BCAS3: variants seen among roughly 807,000 people sequenced by gnomAD.
BCAS3 encodes BCAS3 microtubule associated cell migration factor.
In BCAS3, 53 loss-of-function variants were observed where a neutral mutation model predicts 116.1. That is an observed-to-expected ratio of 0.46 (90% CI 0.37 to 0.57). The LOEUF is 0.57. BCAS3 is among the 20% of genes least tolerant of loss of function. BCAS3 has a pLI of 0.00. For missense variants in BCAS3, 917 were observed against 1,165.4 expected (o/e 0.79, Z 3.10); for synonymous variants, 391 against 408.2 (o/e 0.96, Z 0.51).
intron 22 of BCAS3, among the ~76,000 whole-genome samples, chr17:61,231,102 C>A (rs961274322): frequency 6.6e-6 from 1 of 151,774 alleles, no homozygotes; most frequent in East Asian, 1.9e-4. Flanking sequence ...CTGTACCTGA[C>A]CTGACTTTTT....
chr17:61,208,743 T>C lies in BCAS3; in HGVS notation c.2425+124179T>C, dbSNP rs1042846145. On this transcript the variant is annotated intron_variant, in intron 22 of 23. Transcript: ENST00000407086. The surrounding 1 kb of genome is among the most constrained non-coding windows in gnomAD (Gnocchi z 4.5). ...GGAAAAGGTCTGCTTAGCTGTCTTTTCCTGTTTAAAATACAGCTGCCCCTG... is the reference window on the plus strand; with the variant it reads ...GGAAAAGGTCTGCTTAGCTGTCTTTCCCTGTTTAAAATACAGCTGCCCCTG... 7.2e-5 allele frequency among the ~76,000 whole-genome samples: 11 copies of C among 152,272 alleles called. No homozygotes were observed. Among genetic ancestry groups the C allele is most frequent in the African/African-American group, 2.4e-4 (10 of 41,556 alleles).
intron 6 of BCAS3, among the ~76,000 whole-genome samples, chr17:60,777,055 CAT>C (rs1409416746): frequency 3.3e-5 from 5 of 150,450 alleles, no homozygotes; most frequent in South Asian, 2.1e-4. Context: ...AGTATATACA[CAT>C]ATATGTGTGT....
At chr17:60,802,816 A>T (rs899612228) in intron 6 of BCAS3, among the ~76,000 whole-genome samples, 6 of 152,098 alleles carry the variant, frequency 3.9e-5, no homozygotes, top group African/African-American at 1.2e-4. Flanking sequence ...TTTAGTAGAG[A>T]TGGGGTTTCA....
chr17:60,814,414 T>C (rs375690410), intron 7 of BCAS3, among the ~76,000 whole-genome samples: 11 of 152,218 alleles, frequency 7.2e-5, no homozygotes, highest in African/African-American at 2.2e-4. Flanking sequence ...TTTTTTTTTA[T>C]CCTGAAACTT....
At position 61,365,866 on chromosome 17, in the gene BCAS3, G is replaced by A. The variant is rs754204269; in HGVS notation, c.2426-2461G>A. Among the ~76,000 whole-genome samples, 7 of 152,070 alleles carry A rather than the reference G, an allele frequency of 4.6e-5. No homozygotes were observed. The highest frequency in any genetic ancestry group is 8.8e-5 in the Non-Finnish European group (6 of 68,008). On this transcript the variant is annotated intron_variant, in intron 22 of 23. Transcript: ENST00000407086. The surrounding 1 kb of genome is among the most constrained non-coding windows in gnomAD (Gnocchi z 4.6). The stretch of plus-strand genomic sequence containing the variant: ...AAGAAAGCTGAGTGTATAGCAGCCA[G>A]GTGCGGTGGCTCACACCTGGAATCC...
At chr17:60,691,790 T>C (rs113097347) in intron 4 of BCAS3, among the ~76,000 whole-genome samples, 1,704 of 152,124 alleles carry the variant, frequency 0.011, 41 homozygotes, top group African/African-American at 0.038. Context: ...TGGTTTCATT[T>C]GAATTTTGGA....
rs1420657888 is a variant in BCAS3 at position 61,215,205 on chromosome 17, A to C, written c.2425+130641A>C. Among the ~76,000 whole-genome samples, 1 of 152,246 alleles carries C rather than the reference A, an allele frequency of 6.6e-6. No homozygotes were observed. Among genetic ancestry groups the C allele is most frequent in the Admixed American group, 6.5e-5 (1 of 15,286 alleles). ...TATGTCTTATGCTTTAACTCTTTTT[A>C]GAGAGGAGAACAAATCTCTTTTGAA... On this transcript the variant is annotated intron_variant, in intron 22 of 23. Transcript: ENST00000407086. The surrounding 1 kb of genome is among the most constrained non-coding windows in gnomAD (Gnocchi z 4.8).
At chr17:61,176,671 C>T (rs573485598) in intron 22 of BCAS3, among the ~76,000 whole-genome samples, 2 of 152,158 alleles carry the variant, frequency 1.3e-5, no homozygotes, top group African/African-American at 2.4e-5. Context: ...GATCCTCCCA[C>T]CTCAGCCTCC....
intron 19 of BCAS3, among the ~76,000 whole-genome samples, chr17:61,053,495 C>A (rs188678841): frequency 2.2e-4 from 33 of 152,240 alleles, no homozygotes; most frequent in African/African-American, 7.7e-4. Context: ...TGTTTTCTAC[C>A]GTGGATATTG....
chr17:61,254,031 A>G (rs771130741), intron 22 of BCAS3, among the ~76,000 whole-genome samples: 2 of 152,162 alleles, frequency 1.3e-5, no homozygotes, highest in Non-Finnish European at 2.9e-5. Flanking sequence ...TTTCTTCTAC[A>G]TCAGGCCCAC....
rs147350995 is a variant in BCAS3 at position 60,961,058 on chromosome 17, A to G, written c.1221+13706A>G. ...CAGAGCACATTTTCCCAACCATGAA[A>G]CTCCTCATAGTAACATCTTTTTCTC... On this transcript the variant is annotated intron_variant, in intron 14 of 23. Coordinates refer to ENST00000407086, the MANE Select transcript of BCAS3 (RefSeq NM_017679.5). This position sits in a 1 kb window ranked among gnomAD's most constrained non-coding sequence, Gnocchi z 4.8. Among the ~76,000 whole-genome samples, 263 of 151,928 alleles carry G rather than the reference A, an allele frequency of 1.7e-3. 2 individuals are homozygous for G. The highest frequency in any genetic ancestry group is 0.014 in the East Asian group (74 of 5,150).
intron 19 of BCAS3, among the ~76,000 whole-genome samples, chr17:61,057,187 T>C (rs1286478765): frequency 6.6e-6 from 1 of 152,252 alleles, no homozygotes; most frequent in Non-Finnish European, 1.5e-5. Flanking sequence ...AAAAAATTGA[T>C]TTCTGTGGTG....
intron 22 of BCAS3, among the ~76,000 whole-genome samples, chr17:61,236,140 C>T (rs182111868): frequency 2.6e-5 from 4 of 152,246 alleles, no homozygotes; most frequent in Admixed American, 6.5e-5. Flanking sequence ...TGGGTGCAAA[C>T]AGAAAAGTGC....
At chr17:60,777,494 T>G (rs2045416651) in intron 6 of BCAS3, among the ~76,000 whole-genome samples, 1 of 151,754 alleles carries the variant, frequency 6.6e-6, no homozygotes, top group South Asian at 2.1e-4. Context: ...GGTGTGGTGG[T>G]GGGCGCCTGT....
At chr17:61,040,167 T>C (rs1167188004) in intron 18 of BCAS3, among the ~76,000 whole-genome samples, 4 of 152,226 alleles carry the variant, frequency 2.6e-5, no homozygotes, top group African/African-American at 9.6e-5. Context: ...CCTTTTGACA[T>C]TTTAAAATAT....
In BCAS3 at chr17:61,219,759, C is replaced by T. The variant is rs964865794; in HGVS notation, c.2425+135195C>T. On this transcript the variant is annotated intron_variant, in intron 22 of 23. Coordinates refer to ENST00000407086, the MANE Select transcript of BCAS3 (RefSeq NM_017679.5). The surrounding 1 kb of genome is among the most constrained non-coding windows in gnomAD (Gnocchi z 5.2). ...AGCTGCTGCTTGTTTAGATGGCCGCCTTCCTGGTGACAAGCACTTCTTATT... is the reference window on the plus strand; with the variant it reads ...AGCTGCTGCTTGTTTAGATGGCCGCTTTCCTGGTGACAAGCACTTCTTATT... 3.9e-5 allele frequency among the ~76,000 whole-genome samples: 6 copies of T among 152,176 alleles called. No homozygotes were observed. The highest frequency in any genetic ancestry group is 1.4e-4 in the African/African-American group (6 of 41,430).
At position 60,874,645 on chromosome 17, in the gene BCAS3, T is replaced by C. The variant is rs763826015; in HGVS notation, c.585-17T>C. 1.9e-6 allele frequency: 3 copies of C among 1,575,064 alleles called. No homozygotes were observed. In the Admixed American group the frequency reaches 5.1e-5, roughly 27 times the overall value. Reference sequence around the variant, plus strand: ...TCACTTTTTTTCTTTCTGTTTTTTTTCTCTCTCTAATTTTAGGATCCTTGT... The same window carrying C: ...TCACTTTTTTTCTTTCTGTTTTTTTCCTCTCTCTAATTTTAGGATCCTTGT... On this transcript the variant is annotated splice_polypyrimidine_tract_variant and intron_variant, in intron 8 of 23. Transcript: ENST00000407086.
intron 5 of BCAS3, among the ~76,000 whole-genome samples, chr17:60,718,337 C>T (rs1264766176): frequency 6.6e-5 from 10 of 152,110 alleles, no homozygotes; most frequent in Admixed American, 6.5e-4. Context: ...TGTCTCACAT[C>T]CATCTTATTC....
chr17:60,906,189 C>T (rs911431170), intron 11 of BCAS3, among the ~76,000 whole-genome samples: 1 of 152,202 alleles, frequency 6.6e-6, no homozygotes, highest in Non-Finnish European at 1.5e-5. Flanking sequence ...TGAGGACTCT[C>T]TTACTCTCAC....
Sources: allele counts gnomAD v4.1 joint callset (sites outside exome capture counted in the v4.1 genomes callset), GRCh38; gene constraint gnomAD v4.1.1; non-coding constraint Gnocchi (gnomAD v3.1); transcripts MANE v1.5; gene names NCBI Gene and HGNC (gene_info 2026-07-23, HGNC 2026-07-21).